CPEB1: variants seen among roughly 807,000 people sequenced by gnomAD.
The protein encoded by CPEB1 is cytoplasmic polyadenylation element-binding protein 1.
Under a neutral mutation model 65.8 loss-of-function variants are expected in CPEB1, and 7 were observed. The ratio of observed to expected loss-of-function variants is 0.11; its 90% CI spans 0.06 to 0.20. CPEB1 has a LOEUF of 0.20. Among genes scored for constraint, CPEB1 ranks in the 10% least tolerant of loss-of-function variants. CPEB1 has a pLI of 1.00. For synonymous variants in CPEB1, 262 were observed against 260.0 expected (o/e 1.01, Z -0.08); for missense variants, 551 against 712.2 (o/e 0.77, Z 2.58).
chr15:82,590,209 CAA>C (rs5814120), intron 3 of CPEB1, among the ~76,000 whole-genome samples: 18,330 of 104,146 alleles, frequency 0.18, 2,063 homozygotes, highest in African/African-American at 0.33. Context: ...ATCCCTTTGA[CAA>C]AAAAAAAAAA....
At chr15:82,547,928 C>T (rs1485621486) in intron 10 of CPEB1, among the ~76,000 whole-genome samples, 1 of 152,216 alleles carries the variant, frequency 6.6e-6, no homozygotes, top group East Asian at 1.9e-4. Context: ...CCCACCTCGG[C>T]CTCCCAAAGT....
intron 3 of CPEB1, among the ~76,000 whole-genome samples, chr15:82,574,490 G>C (rs1567194011): frequency 1.3e-5 from 2 of 152,112 alleles, no homozygotes; most frequent in Non-Finnish European, 2.9e-5. Context: ...GGCTGAGGCA[G>C]GCAGATCGCT....
At position 82,607,902 on chromosome 15, in the gene CPEB1, T is replaced by C. The variant is rs796396200; in HGVS notation, c.271+19291A>G. Among the ~76,000 whole-genome samples the C allele has an allele frequency of 7.9e-5, 12 of 152,320 alleles. 1 individual carries two copies. The highest frequency in any genetic ancestry group is 2.9e-4 in the African/African-American group (12 of 41,570). ...GTAACACTATTGCTGGAAACATCAA[T>C]AGCTCACTTTCAGCAATGATGGACA... is the stretch of plus-strand genomic sequence containing the variant. On this transcript the variant is annotated intron_variant, in intron 3 of 12. Coordinates refer to ENST00000684509, the MANE Select transcript of CPEB1 (RefSeq NM_001365242.1).
At chr15:82,589,884 C>T (rs2042084415) in intron 3 of CPEB1, among the ~76,000 whole-genome samples, 1 of 152,134 alleles carries the variant, frequency 6.6e-6, no homozygotes. Flanking sequence ...ACTATTTACA[C>T]TGCATTAGGT....
At chr15:82,634,759 T>C (rs1489093600) in intron 1 of CPEB1, among the ~76,000 whole-genome samples, 1 of 114,986 alleles carries the variant, frequency 8.7e-6, no homozygotes, top group Non-Finnish European at 1.8e-5. Flanking sequence ...TCTTGAACAT[T>C]TAGACTTTTT....
chr15:82,580,611 C>G (rs2151097183), intron 3 of CPEB1, among the ~76,000 whole-genome samples: 1 of 152,206 alleles, frequency 6.6e-6, no homozygotes. Flanking sequence ...AGCATCACTA[C>G]TCTTCACCTC....
chr15:82,597,320 T>C (rs975977780), intron 3 of CPEB1, among the ~76,000 whole-genome samples: 24 of 152,144 alleles, frequency 1.6e-4, no homozygotes, highest in African/African-American at 5.6e-4. Context: ...GAGAGACTGA[T>C]GGGGTTTAGG....
At chr15:82,629,374 C>CATTATT in intron 1 of CPEB1, 1 of 985,154 alleles carries the variant, frequency 1.0e-6, no homozygotes, top group Non-Finnish European at 1.2e-6. Flanking sequence ...TCTATGTGGT[C>CATTATT]ATTATTAGTA....
intron 3 of CPEB1, chr15:82,573,125 T>C: frequency 1.3e-6 from 2 of 1,535,480 alleles, no homozygotes; most frequent in South Asian, 1.2e-5. Flanking sequence ...GTCGAGAGAA[T>C]AATGCTGCCA....
At chr15:82,593,810 T>C (rs780788835) in intron 3 of CPEB1, among the ~76,000 whole-genome samples, 3 of 152,236 alleles carry the variant, frequency 2.0e-5, no homozygotes, top group Non-Finnish European at 2.9e-5. Flanking sequence ...ATGAAATCAT[T>C]AATCTCCTTG....
chr15:82,577,488 G>A (rs2040791633), intron 3 of CPEB1, among the ~76,000 whole-genome samples: 2 of 152,198 alleles, frequency 1.3e-5, no homozygotes, highest in African/African-American at 4.8e-5. Flanking sequence ...GTGAAGGACA[G>A]ACATAGTAGT....
At chr15:82,574,403 A>C (rs1835166770) in intron 3 of CPEB1, among the ~76,000 whole-genome samples, 1 of 152,130 alleles carries the variant, frequency 6.6e-6, no homozygotes. Flanking sequence ...GCCATCTTTT[A>C]GGTGTTTTGT....
chr15:82,601,979 A>T (rs2043158830), intron 3 of CPEB1, among the ~76,000 whole-genome samples: 1 of 152,268 alleles, frequency 6.6e-6, no homozygotes, highest in Non-Finnish European at 1.5e-5. Flanking sequence ...AAGAATATAG[A>T]AAATCTGAAA....
chr15:82,621,102 G>T (rs925013190), intron 3 of CPEB1, among the ~76,000 whole-genome samples: 1 of 152,186 alleles, frequency 6.6e-6, no homozygotes, highest in Non-Finnish European at 1.5e-5. Context: ...TGCAAGATGG[G>T]ACTGAATGTA....
chr15:82,554,047 A>G (rs1225090131), intron 6 of CPEB1, 56 bp from the exon 7 acceptor site: 3 of 1,083,860 alleles, frequency 2.8e-6, no homozygotes, highest in Non-Finnish European at 4.1e-6. Context: ...ACAAAGCCAC[A>G]CTCTTCCCTG....
chr15:82,611,526 G>A (rs1308531786), intron 3 of CPEB1, among the ~76,000 whole-genome samples: 1 of 151,998 alleles, frequency 6.6e-6, no homozygotes, highest in Non-Finnish European at 1.5e-5. Context: ...GGAGGCTGAG[G>A]CAGGAGGACC....
intron 1 of CPEB1, among the ~76,000 whole-genome samples, chr15:82,641,448 C>T (rs2151384466): frequency 6.6e-6 from 1 of 152,316 alleles, no homozygotes; most frequent in Admixed American, 6.5e-5. Flanking sequence ...AGGAGAGCTA[C>T]TCCCACACTT....
In CPEB1 at chr15:82,571,815, CAGCCGGCTG is replaced by C. The variant is rs972464508; in HGVS notation, c.272-292_272-284del. 27 of 1,234,958 alleles carry C rather than the reference CAGCCGGCTG, an allele frequency of 2.2e-5. No individual in the cohort carries two copies. The African/African-American group carries it at 4.0e-4, about 18-fold the overall frequency. 76.5% of individuals were successfully genotyped at this position (1,234,958 alleles called of 1,614,324 possible). A position where few individuals can be genotyped will look rare whatever the true frequency, so the allele number is the denominator to read the frequency against. ...TGATGCTTCCCGCTGCCAGTGACAT[CAGCCGGCTG>C]AGCCGTGCAATAGAGAGCGGCATCA... On this transcript the variant is annotated intron_variant, in intron 3 of 12. Coordinates refer to ENST00000684509, the MANE Select transcript of CPEB1 (RefSeq NM_001365242.1).
In CPEB1 at chr15:82,647,272, CT is replaced by C. The variant is rs2047649749; in HGVS notation, c.-234del. 1 of 152,234 alleles carries C rather than the reference CT, an allele frequency of 6.6e-6. No homozygotes were observed. The highest frequency in any genetic ancestry group is 1.5e-5 in the Non-Finnish European group (1 of 68,116). The allele number at this position is 152,234 out of a possible 1,614,324, so 9.4% of individuals were successfully genotyped here. ...AAGCGAAGGTGTGAAGCCACGTGACCTGCCCAGGATTGGGAAGCCGCACGAG... is the reference window on the plus strand; with the variant it reads ...AAGCGAAGGTGTGAAGCCACGTGACCGCCCAGGATTGGGAAGCCGCACGAG... On this transcript the variant is annotated 5_prime_UTR_variant, in exon 1 of 13. Transcript: ENST00000684509.
Sources: allele counts gnomAD v4.1 joint callset (sites outside exome capture counted in the v4.1 genomes callset), GRCh38; gene constraint gnomAD v4.1.1; transcripts MANE v1.5; gene names NCBI Gene and HGNC (gene_info 2026-07-23, HGNC 2026-07-21).